COP1: variants seen among roughly 807,000 people sequenced by gnomAD.
The protein encoded by COP1 is E3 ubiquitin-protein ligase COP1.
COP1 carries 24 observed loss-of-function variants against 101.3 expected under a neutral mutation model. The observed-to-expected ratio is 0.24, with a 90% CI of 0.17 to 0.33. The LOEUF is 0.33. Ranked by LOEUF, COP1 falls within the 10% of genes least tolerant of loss-of-function variation. COP1 has a pLI of 1.00. For missense variants in COP1, 663 were observed against 906.2 expected, an observed-to-expected ratio of 0.73 and a Z score of 3.45; for synonymous variants, 347 against 341.9, an observed-to-expected ratio of 1.01 and a Z score of -0.17.
chr1:176,191,257 T>C (rs1028634609), intron 1 of COP1, among the ~76,000 whole-genome samples: 2 of 152,064 alleles, frequency 1.3e-5, no homozygotes, highest in East Asian at 3.8e-4. Context: ...TCTTTCTATC[T>C]TGCTATAATC....
At chr1:176,185,872 A>G (rs1027817728) in intron 1 of COP1, among the ~76,000 whole-genome samples, 5 of 152,204 alleles carry the variant, frequency 3.3e-5, no homozygotes, top group Non-Finnish European at 7.3e-5. Flanking sequence ...CGGATGATAC[A>G]ATGACACTTA....
At chr1:176,122,764 C>T (rs1428860738) in intron 8 of COP1, among the ~76,000 whole-genome samples, 1 of 152,044 alleles carries the variant, frequency 6.6e-6, no homozygotes, top group Non-Finnish European at 1.5e-5. Flanking sequence ...AAAAGGAAAG[C>T]AAAAGAGCAG....
rs181647636 is a variant in COP1 at position 176,091,778 on chromosome 1, A to G, written c.1027-5888T>C. Among the ~76,000 whole-genome samples the G allele has an allele frequency of 7.9e-5, 12 of 152,244 alleles. No homozygotes were observed. The East Asian group carries it at 2.1e-3, about 27-fold the overall frequency. On this transcript the variant is annotated intron_variant, in intron 9 of 19. Coordinates refer to ENST00000367669, the MANE Select transcript of COP1 (RefSeq NM_022457.7). ...CAAAAACTGAGAAAAACAGAAGTAT[A>G]ATAAGTAAAACAGAATGAAATTATA...
At chr1:176,005,433 A>G (rs1662897358) in intron 15 of COP1, among the ~76,000 whole-genome samples, 1 of 151,700 alleles carries the variant, frequency 6.6e-6, no homozygotes, top group Non-Finnish European at 1.5e-5. Context: ...AGTTCTTTTA[A>G]TTGTGATGTT....
chr1:175,947,324 TCTTCA>T, intron 18 of COP1, 85 bp from the exon 19 acceptor site: 2 of 900,210 alleles, frequency 2.2e-6, no homozygotes, highest in Admixed American at 1.9e-5. Context: ...CATCCTTCTT[TCTTCA>T]CTTCAATTCC....
intron 3 of COP1, among the ~76,000 whole-genome samples, chr1:176,174,809 T>C (rs1572687254): frequency 6.6e-6 from 1 of 152,192 alleles, no homozygotes; most frequent in East Asian, 1.9e-4. Flanking sequence ...TTTTGATATA[T>C]AATCCCAAGA....
chr1:176,018,784 A>C (rs1051628912), intron 15 of COP1: 2 of 152,122 alleles, frequency 1.3e-5, no homozygotes, highest in African/African-American at 4.8e-5. Context: ...AGGCGGGAGA[A>C]TCACTTGAGT....
intron 11 of COP1, 99 bp from the exon 12 acceptor site, chr1:176,046,423 C>T (rs1452695481): frequency 2.7e-6 from 3 of 1,091,960 alleles, no homozygotes; most frequent in Non-Finnish European, 4.0e-6. Flanking sequence ...ACTTTAAATA[C>T]CTTCAAATTG....
At chr1:176,032,755 T>TCTA (rs1312806465) in intron 14 of COP1, among the ~76,000 whole-genome samples, 1 of 151,954 alleles carries the variant, frequency 6.6e-6, no homozygotes, top group Admixed American at 6.6e-5. Flanking sequence ...AGAAGAGACA[T>TCTA]CTACTGGTCA....
intron 18 of COP1, among the ~76,000 whole-genome samples, chr1:175,953,984 A>G (rs1650287523): frequency 6.6e-6 from 1 of 152,204 alleles, no homozygotes; most frequent in South Asian, 2.1e-4. Flanking sequence ...TTTTATTTAA[A>G]TGACAGAATA....
At chr1:176,169,772 C>A (rs1695753867) in intron 3 of COP1, among the ~76,000 whole-genome samples, 2 of 152,172 alleles carry the variant, frequency 1.3e-5, no homozygotes, top group Non-Finnish European at 2.9e-5. Context: ...CTTAAAAGAA[C>A]ACAATGACGA....
chr1:176,133,413 TTATGAGATCACCATCATATATGCA>T (rs1399435370), intron 8 of COP1, among the ~76,000 whole-genome samples: 16 of 151,934 alleles, frequency 1.1e-4, no homozygotes. Context: ...TATTATTTTC[TTATGAGATCACCATCATATATGCA>T]GTCCATCACT....
intron 5 of COP1, among the ~76,000 whole-genome samples, chr1:176,160,908 C>G (rs1694224903): frequency 1.3e-5 from 2 of 152,084 alleles, no homozygotes; most frequent in African/African-American, 2.4e-5. Flanking sequence ...ATAGTTTTCT[C>G]CTAAAGTAGA....
rs187762223 is a variant in COP1, at chr1:175,996,170, A to G, written c.1730-6691T>C. 2.6e-3 allele frequency among the ~76,000 whole-genome samples: 400 copies of G among 152,374 alleles called. 3 individuals are homozygous for G. Among genetic ancestry groups the G allele is most frequent in the African/African-American group, 9.2e-3 (382 of 41,582 alleles). On this transcript the variant is annotated intron_variant, in intron 15 of 19. Coordinates refer to ENST00000367669, the MANE Select transcript of COP1 (RefSeq NM_022457.7). ...TCCACATGGTTACCTCAATAGATGCAGAAAAGGCCTTTGACAAAATTCAAC... is the reference window on the plus strand; with the variant it reads ...TCCACATGGTTACCTCAATAGATGCGGAAAAGGCCTTTGACAAAATTCAAC...
In COP1 at chr1:176,206,875, G is replaced by C; in HGVS notation, c.104C>G (p.Pro35Arg). 3 of 1,443,786 alleles carry C rather than the reference G, an allele frequency of 2.1e-6. No individual in the cohort carries two copies. The highest frequency in any genetic ancestry group is 1.4e-5 in the South Asian group (1 of 74,008). 89.4% of individuals were successfully genotyped at this position (1,443,786 alleles called of 1,614,324 possible). A position where few individuals can be genotyped will look rare whatever the true frequency, so the allele number is the denominator to read the frequency against. Residue 35 changes from proline (P) to arginine (R), a missense_variant, in exon 1 of 20, where the codon CCG becomes CGG. Transcript: ENST00000367669. ...TSASSSLSSS[P>R]SPPSVAVSAA... is the part of the protein sequence containing the mutation. ...CGAAACCGCCACGGAAGGCGGCGAC[G>C]GGGAAGAGGATAAAGACGAGGAGGC...
Position 176,126,068 on chromosome 1 carries a change from T to C in COP1, c.968+8942A>G, listed in dbSNP as rs532487041. Reference sequence around the variant, plus strand: ...ACTGATTTTTTGTATGTTGACTTTGTATCCTGCAACTTCACTGAATCTGTA... The same window carrying C: ...ACTGATTTTTTGTATGTTGACTTTGCATCCTGCAACTTCACTGAATCTGTA... On this transcript the variant is annotated intron_variant, in intron 8 of 19. Coordinates refer to ENST00000367669, the MANE Select transcript of COP1 (RefSeq NM_022457.7). Among the ~76,000 whole-genome samples, 6 of 152,356 alleles carry C rather than the reference T, an allele frequency of 3.9e-5. No homozygotes were observed. The East Asian group carries it at 1.2e-3, about 29-fold the overall frequency.
intron 1 of COP1, among the ~76,000 whole-genome samples, chr1:176,194,611 C>T (rs1053456191): frequency 5.9e-5 from 9 of 152,042 alleles, no homozygotes; most frequent in Admixed American, 1.3e-4. Flanking sequence ...GCACTCCAGC[C>T]TGGCGACAGA....
At chr1:176,114,328 T>C (rs773304668) in intron 9 of COP1, among the ~76,000 whole-genome samples, 17 of 152,228 alleles carry the variant, frequency 1.1e-4, no homozygotes, top group Non-Finnish European at 2.4e-4. Context: ...AATGCATGCA[T>C]TGTACATGAA....
intron 6 of COP1, among the ~76,000 whole-genome samples, chr1:176,145,727 G>A (rs1691484465): frequency 6.6e-6 from 1 of 151,922 alleles, no homozygotes; most frequent in South Asian, 2.1e-4. Context: ...GAAGAAGATA[G>A]GAATAAAAGA....
Sources: gnomAD v4.1 joint callset for allele counts (sites outside exome capture counted in the v4.1 genomes callset) on GRCh38, gnomAD v4.1.1 for gene constraint, MANE v1.5 for transcripts, NCBI Gene and HGNC (gene_info 2026-07-23, HGNC 2026-07-21) for gene names.